Variants in CHRM3 observed in about 807,000 individuals in gnomAD.
CHRM3 encodes the protein cholinergic receptor muscarinic 3.
A neutral mutation model predicts 41.8 loss-of-function variants in CHRM3; 11 were observed. That is an observed-to-expected ratio of 0.26 (90% CI 0.17 to 0.44). The LOEUF (loss-of-function observed/expected upper bound fraction) is 0.44, where lower values mean the gene tolerates loss of function less well. Among genes scored for constraint, CHRM3 ranks in the 20% least tolerant of loss-of-function variants. CHRM3 has a pLI of 1.00. For synonymous variants in CHRM3, 297 were observed against 301.4 expected, an observed-to-expected ratio of 0.99 and a Z score of 0.15; for missense variants, 571 against 745.4, an observed-to-expected ratio of 0.77 and a Z score of 2.72.
chr1:239,596,518 G>A (rs1231302463), intron 3 of CHRM3, among the ~76,000 whole-genome samples: 2 of 152,066 alleles, frequency 1.3e-5, no homozygotes, highest in African/African-American at 2.4e-5. Flanking sequence ...AATAGGACAG[G>A]TTTTAAAAAT....
chr1:239,770,906 G>A (rs1418798514), intron 5 of CHRM3, among the ~76,000 whole-genome samples: 1 of 151,998 alleles, frequency 6.6e-6, no homozygotes, highest in Non-Finnish European at 1.5e-5. Flanking sequence ...GATCAAAAAT[G>A]GTAAAACCCT....
At chr1:239,695,602 T>C (rs550265188) in intron 5 of CHRM3, among the ~76,000 whole-genome samples, 26 of 152,262 alleles carry the variant, frequency 1.7e-4, no homozygotes, top group South Asian at 4.1e-4. Flanking sequence ...AAGTTCAGTT[T>C]ATGAGCTTCA....
chr1:239,469,028 T>G (rs2147927926), intron 1 of CHRM3, among the ~76,000 whole-genome samples: 1 of 152,320 alleles, frequency 6.6e-6, no homozygotes, highest in East Asian at 1.9e-4. Flanking sequence ...AAGTCATTAA[T>G]TCATATAAAA....
At chr1:239,786,608 A>C (rs1046755406) in intron 5 of CHRM3, among the ~76,000 whole-genome samples, 1 of 152,220 alleles carries the variant, frequency 6.6e-6, no homozygotes, top group African/African-American at 2.4e-5. Flanking sequence ...TCAGGCAGGG[A>C]CAGAGCCTTG....
intron 6 of CHRM3, among the ~76,000 whole-genome samples, chr1:239,844,818 C>A (rs1674128617): frequency 6.6e-6 from 1 of 152,158 alleles, no homozygotes; most frequent in Admixed American, 6.5e-5. Context: ...CCCTTATGCA[C>A]CTGGCTTTAA....
intron 1 of CHRM3, among the ~76,000 whole-genome samples, chr1:239,441,937 A>G (rs1230706540): frequency 6.6e-6 from 1 of 152,242 alleles, no homozygotes; most frequent in African/African-American, 2.4e-5. Flanking sequence ...GAGACATTAA[A>G]ATAAAATTCC....
At chr1:239,881,936 G>A (rs945500189) in intron 6 of CHRM3, among the ~76,000 whole-genome samples, 3 of 152,128 alleles carry the variant, frequency 2.0e-5, no homozygotes, top group Non-Finnish European at 2.9e-5. Context: ...ATGGAGTCTC[G>A]CTCTTGTCGC....
At chr1:239,796,698 CT>C (rs1669802804) in intron 5 of CHRM3, among the ~76,000 whole-genome samples, 1 of 151,894 alleles carries the variant, frequency 6.6e-6, no homozygotes, top group Admixed American at 6.6e-5. Flanking sequence ...ACTGCAAGAC[CT>C]TTTTAAAAAA....
chr1:239,438,528 C>G (rs534977177), intron 1 of CHRM3, among the ~76,000 whole-genome samples: 4 of 152,310 alleles, frequency 2.6e-5, no homozygotes, highest in African/African-American at 9.6e-5. Context: ...CTTTGATACA[C>G]CACAGCTTAT....
Position 239,477,440 on chromosome 1 carries a change from A to G in CHRM3, c.-520-15269A>G, listed in dbSNP as rs368359023. 7.7e-4 allele frequency among the ~76,000 whole-genome samples: 117 copies of G among 152,348 alleles called. 1 individual carries two copies. The Middle Eastern group carries it at 0.014, about 18-fold the overall frequency. On this transcript the variant is annotated intron_variant, in intron 1 of 6. Transcript: ENST00000676153. Reference sequence around the variant, plus strand: ...ATCCATTCAAGACCTGGCAAAGCAAAGACACTTACATGAACTGAAATCTAG... The same window carrying G: ...ATCCATTCAAGACCTGGCAAAGCAAGGACACTTACATGAACTGAAATCTAG...
At chr1:239,513,522 G>A (rs1235836002) in intron 2 of CHRM3, among the ~76,000 whole-genome samples, 2 of 152,066 alleles carry the variant, frequency 1.3e-5, no homozygotes, top group Non-Finnish European at 2.9e-5. Context: ...TATTTTGGAT[G>A]AATATACCTT....
intron 5 of CHRM3, among the ~76,000 whole-genome samples, chr1:239,804,485 T>C (rs1379571236): frequency 6.6e-6 from 1 of 152,214 alleles, no homozygotes; most frequent in East Asian, 1.9e-4. Flanking sequence ...GTTTCCGCTC[T>C]GTGTAGGCGG....
At chr1:239,705,304 A>G (rs997548263) in intron 5 of CHRM3, 1 of 152,242 alleles carries the variant, frequency 6.6e-6, no homozygotes, top group African/African-American at 2.4e-5. Flanking sequence ...CTCTTCTACT[A>G]TAACTGCCTT....
chr1:239,538,038 T>G (rs1345945610), intron 2 of CHRM3, among the ~76,000 whole-genome samples: 1 of 152,154 alleles, frequency 6.6e-6, no homozygotes, highest in Non-Finnish European at 1.5e-5. Flanking sequence ...ATTATGATAT[T>G]GCTCCAGCTG....
rs573350119 is a variant in CHRM3 at position 239,913,832 on chromosome 1, G to C, written c.*4608G>C. On this transcript the variant is annotated 3_prime_UTR_variant, in exon 7 of 7. Transcript: ENST00000676153. ...AGGCACACATCACGTTCACAGCTTC[G>C]CGCAGAGACGGATAGTGTATTTGGA... The C allele has an allele frequency of 1.2e-5, 2 of 167,064 alleles. No homozygotes were observed. Among genetic ancestry groups the C allele is most frequent in the Non-Finnish European group, 2.9e-5 (2 of 68,120 alleles). The allele number at this position is 167,064 out of a possible 1,614,324, so 10.3% of individuals were successfully genotyped here.
intron 6 of CHRM3, among the ~76,000 whole-genome samples, chr1:239,857,978 T>C (rs968406200): frequency 6.6e-6 from 1 of 152,138 alleles, no homozygotes; most frequent in Non-Finnish European, 1.5e-5. Context: ...AATTGACATA[T>C]ATTATTGATA....
intron 5 of CHRM3, among the ~76,000 whole-genome samples, chr1:239,755,693 T>C (rs1216001386): frequency 1.3e-5 from 2 of 152,176 alleles, no homozygotes. Context: ...CAATGGGTAG[T>C]TTCTGAAGCA....
chr1:239,493,262 G>T (rs558480749), intron 2 of CHRM3, among the ~76,000 whole-genome samples: 112 of 152,278 alleles, frequency 7.4e-4, no homozygotes, highest in African/African-American at 2.6e-3. Context: ...CACACAGGTT[G>T]ACCAATAACT....
chr1:239,404,094 C>T (rs574965810), intron 1 of CHRM3, among the ~76,000 whole-genome samples: 1 of 149,676 alleles, frequency 6.7e-6, no homozygotes, highest in South Asian at 2.1e-4. Context: ...CGAGACCATC[C>T]TGGCTAACAC....
Sources: gnomAD v4.1 joint callset for allele counts (sites outside exome capture counted in the v4.1 genomes callset) on GRCh38, gnomAD v4.1.1 for gene constraint, MANE v1.5 for transcripts, NCBI Gene and HGNC (gene_info 2026-07-23, HGNC 2026-07-21) for gene names.